The following EPB41L4B variants were observed in gnomAD, a reference collection of about 807,000 sequenced individuals.
The protein encoded by EPB41L4B is band 4.1-like protein 4B.
A neutral mutation model predicts 112.5 loss-of-function variants in EPB41L4B; 30 were observed. That is an observed-to-expected ratio of 0.27 (90% CI 0.20 to 0.36). The LOEUF is 0.36. EPB41L4B is among the 10% of genes least tolerant of loss of function. EPB41L4B has a pLI of 1.00. For missense variants in EPB41L4B, 1,024 were observed against 1,133.3 expected (o/e 0.90, Z 1.38); for synonymous variants, 408 against 439.7 (o/e 0.93, Z 0.90).
At chr9:109,209,584 T>C (rs973380784) in intron 17 of EPB41L4B, among the ~76,000 whole-genome samples, 1 of 150,932 alleles carries the variant, frequency 6.6e-6, no homozygotes, top group African/African-American at 2.4e-5. Context: ...GGGGTGGAGG[T>C]TGCAGTGAGC....
intron 7 of EPB41L4B, among the ~76,000 whole-genome samples, chr9:109,257,972 G>C (rs945263543): frequency 1.3e-5 from 2 of 152,154 alleles, no homozygotes; most frequent in Non-Finnish European, 2.9e-5. Flanking sequence ...CTCTGGCCTG[G>C]GCAACAGAGC....
intron 1 of EPB41L4B, among the ~76,000 whole-genome samples, chr9:109,288,173 C>T (rs1836372137): frequency 6.6e-6 from 1 of 152,252 alleles, no homozygotes; most frequent in South Asian, 2.1e-4. Flanking sequence ...AAGCCAGCAG[C>T]CTTGCCTCTG....
intron 11 of EPB41L4B, among the ~76,000 whole-genome samples, chr9:109,254,035 G>C (rs1207332656): frequency 6.6e-6 from 1 of 152,214 alleles, no homozygotes; most frequent in East Asian, 1.9e-4. Context: ...CAGATTCCAG[G>C]AGGTTGCTGG....
chr9:109,194,336 T>C lies in EPB41L4B; in HGVS notation c.2107A>G (p.Thr703Ala), dbSNP rs199682704. ...EAVGVTTSTTTNTTTAATQVS... is the reference protein window; with the variant it reads ...EAVGVTTSTTANTTTAATQVS... ...TGTGTGGCGGCCGTTGTGGTGTTTGTGGTTGTAGATGTGGTCACTCCCACT... is the reference window on the plus strand; with the variant it reads ...TGTGTGGCGGCCGTTGTGGTGTTTGCGGTTGTAGATGTGGTCACTCCCACT... Residue 703 changes from threonine (T) to alanine (A), a missense_variant, in exon 21 of 26, where the codon ACA (threonine) becomes GCA (alanine). Transcript: ENST00000374566. The C allele has an allele frequency of 3.7e-6, 6 of 1,613,952 alleles. No homozygotes were observed. In the African/African-American group the frequency reaches 6.7e-5, roughly 18 times the overall value.
chr9:109,295,187 G>A (rs544915079), intron 1 of EPB41L4B, among the ~76,000 whole-genome samples: 1 of 152,198 alleles, frequency 6.6e-6, no homozygotes, highest in South Asian at 2.1e-4. Context: ...ATGCACTCCT[G>A]GACTTTGTGC....
At chr9:109,261,091 A>C (rs1835184434) in intron 6 of EPB41L4B, among the ~76,000 whole-genome samples, 1 of 152,146 alleles carries the variant, frequency 6.6e-6, no homozygotes, top group South Asian at 2.1e-4. Flanking sequence ...TCTGGGGTAG[A>C]GGAAAGCCAC....
At chr9:109,190,502 C>T (rs1832423269) in intron 22 of EPB41L4B, among the ~76,000 whole-genome samples, 1 of 152,236 alleles carries the variant, frequency 6.6e-6, no homozygotes, top group African/African-American at 2.4e-5. Context: ...CTGAGCACTT[C>T]CCTTCCTCAT....
chr9:109,269,982 G>C (rs1319050622), intron 2 of EPB41L4B, among the ~76,000 whole-genome samples: 2 of 152,200 alleles, frequency 1.3e-5, no homozygotes, highest in Non-Finnish European at 2.9e-5. Flanking sequence ...GGGAGAACGT[G>C]GGTTGTGGGG....
intron 17 of EPB41L4B, among the ~76,000 whole-genome samples, chr9:109,209,565 C>A (rs190912959): frequency 1.3e-5 from 2 of 151,216 alleles, no homozygotes; most frequent in East Asian, 3.9e-4. Context: ...GGAGAATCAC[C>A]TGAGCTCAGG....
chr9:109,211,001 T>C (rs1288970958), intron 17 of EPB41L4B, among the ~76,000 whole-genome samples: 2 of 152,196 alleles, frequency 1.3e-5, no homozygotes, highest in African/African-American at 4.8e-5. Context: ...AGATGTATAT[T>C]TGAATTGTTT....
intron 19 of EPB41L4B, among the ~76,000 whole-genome samples, chr9:109,200,744 T>C (rs1055068999): frequency 6.6e-6 from 1 of 152,146 alleles, no homozygotes; most frequent in Non-Finnish European, 1.5e-5. Context: ...CTGGTAGCTA[T>C]TCTATTTTAA....
chr9:109,193,617 C>T (rs1832541073), intron 21 of EPB41L4B, among the ~76,000 whole-genome samples: 1 of 152,184 alleles, frequency 6.6e-6, no homozygotes, highest in Admixed American at 6.5e-5. Flanking sequence ...TGACTTGAAT[C>T]CACTTGGACA....
intron 1 of EPB41L4B, among the ~76,000 whole-genome samples, chr9:109,317,163 G>A (rs1261803487): frequency 6.6e-6 from 1 of 152,206 alleles, no homozygotes; most frequent in East Asian, 1.9e-4. Context: ...CCTATCACCA[G>A]AGAAGGGGGC....
chr9:109,310,030 C>CCT (rs1837358693), intron 1 of EPB41L4B, among the ~76,000 whole-genome samples: 1 of 152,204 alleles, frequency 6.6e-6, no homozygotes, highest in African/African-American at 2.4e-5. Context: ...ATAGATGCTT[C>CCT]CTGGCACATG....
At chr9:109,292,858 T>C (rs1324613711) in intron 1 of EPB41L4B, among the ~76,000 whole-genome samples, 1 of 152,138 alleles carries the variant, frequency 6.6e-6, no homozygotes, top group Non-Finnish European at 1.5e-5. Context: ...GGAAGCTTGC[T>C]CTAGAAGAGC....
At chr9:109,202,528 C>T (rs774365326) in intron 19 of EPB41L4B, among the ~76,000 whole-genome samples, 1 of 152,146 alleles carries the variant, frequency 6.6e-6, no homozygotes, top group Non-Finnish European at 1.5e-5. Context: ...TGCAGTGGTC[C>T]TTGGACCCAT....
chr9:109,282,925 G>A (rs551917188), intron 1 of EPB41L4B, among the ~76,000 whole-genome samples: 10 of 151,418 alleles, frequency 6.6e-5, no homozygotes, highest in Non-Finnish European at 1.2e-4. Flanking sequence ...CAAGTGATCC[G>A]CCCACCTCGG....
chr9:109,237,767 G>T (rs1026365746), intron 15 of EPB41L4B, among the ~76,000 whole-genome samples: 1 of 152,072 alleles, frequency 6.6e-6, no homozygotes, highest in Non-Finnish European at 1.5e-5. Flanking sequence ...TGTGTGAGTG[G>T]GAGATATGGA....
At chr9:109,209,967 C>T (rs1833107593) in intron 17 of EPB41L4B, among the ~76,000 whole-genome samples, 1 of 152,156 alleles carries the variant, frequency 6.6e-6, no homozygotes, top group South Asian at 2.1e-4. Context: ...GTACTGCTTC[C>T]CCTTCAATTC....
Sources: allele counts gnomAD v4.1 joint callset (sites outside exome capture counted in the v4.1 genomes callset), GRCh38; gene constraint gnomAD v4.1.1; transcripts MANE v1.5; gene names NCBI Gene and HGNC (gene_info 2026-07-23, HGNC 2026-07-21).